Variants in ZNF615 observed in about 807,000 individuals in gnomAD.
ZNF615 encodes the protein zinc finger protein 615.
ZNF615 carries 15 observed loss-of-function variants against 15.3 expected under a neutral mutation model. The observed-to-expected ratio is 0.98, with a 90% confidence interval of 0.66 to 1.51. The LOEUF (loss-of-function observed/expected upper bound fraction) is 1.51. Among genes scored for constraint, ZNF615 ranks in the 40% most tolerant of loss-of-function variants. The pLI, the probability that ZNF615 is intolerant of heterozygous loss-of-function variation, is 0.00. For missense variants in ZNF615, 848 were observed against 895.9 expected (o/e 0.95, Z 0.68); for synonymous variants, 268 against 294.6 (o/e 0.91, Z 0.92).
chr19:52,000,966 A>G (rs960449428), intron 5 of ZNF615, among the ~76,000 whole-genome samples: 1 of 152,086 alleles, frequency 6.6e-6, no homozygotes, highest in African/African-American at 2.4e-5. Context: ...ATTCAGTATA[A>G]GAGGAATAAG....
chr19:51,995,928 A>G (rs979981286), intron 6 of ZNF615, among the ~76,000 whole-genome samples: 47 of 151,316 alleles, frequency 3.1e-4, no homozygotes. Flanking sequence ...GCAAAAAAAT[A>G]AAGAAGGTAA....
At position 52,003,813 on chromosome 19, in the gene ZNF615, A is replaced by G. The variant is rs2086674454; in HGVS notation, c.-102T>C. On this transcript the variant is annotated 5_prime_UTR_variant, in exon 3 of 7. Coordinates refer to ENST00000598071, the MANE Select transcript of ZNF615 (RefSeq NM_001199324.2). Reference sequence around the variant, plus strand: ...GTTCAAAAACTTCAATCTCCAATCAAGGATGTCCCCAGAAATGATGACACC... The same window carrying G: ...GTTCAAAAACTTCAATCTCCAATCAGGGATGTCCCCAGAAATGATGACACC... 1.3e-6 allele frequency: 2 copies of G among 1,577,198 alleles called. No individual in the cohort carries two copies. The highest frequency in any genetic ancestry group is 1.7e-6 in the Non-Finnish European group (2 of 1,164,012).
Position 52,003,687 on chromosome 19 carries a change from C to A in ZNF615, c.15+10G>T. 1.2e-6 allele frequency: 2 copies of A among 1,610,902 alleles called. No individual in the cohort carries two copies. Among genetic ancestry groups the A allele is most frequent in the South Asian group, 1.1e-5 (1 of 90,460 alleles). ...GAATAAAGGAAAGAATAAAACAAAC[C>A]AAAAGTCACCTGGGCCTGCATCATT... On this transcript the variant is annotated intron_variant, in intron 3 of 6. Transcript: ENST00000598071.
chr19:52,008,049 A>G, intron 1 of ZNF615, 92 bp downstream of exon 1: 2 of 1,228,034 alleles, frequency 1.6e-6, no homozygotes, highest in African/African-American at 3.0e-5. Flanking sequence ...GCCGACAGAT[A>G]CCAGTCCATC....
chr19:52,007,951 T>C (rs2086802178), intron 1 of ZNF615, 190 bp downstream of exon 1: 7 of 601,536 alleles, frequency 1.2e-5, no homozygotes, highest in Non-Finnish European at 2.1e-5. Context: ...ACACACCCTA[T>C]CACGGACCTC....
chr19:52,003,281 T>C (rs1361022130), intron 3 of ZNF615, among the ~76,000 whole-genome samples: 1 of 152,228 alleles, frequency 6.6e-6, no homozygotes, highest in African/African-American at 2.4e-5. Flanking sequence ...ACTTTTGCAT[T>C]TATGAGAAGG....
At position 51,992,880 on chromosome 19, in the gene ZNF615, C is replaced by T. The variant is rs773633321; in HGVS notation, c.2229G>A (p.Ter743=). The T allele has an allele frequency of 4.3e-6, 7 of 1,612,544 alleles. No homozygotes were observed. In the Admixed American group the frequency reaches 1.0e-4, roughly 23 times the overall value. The change falls in exon 7 of 7, where the codon TAG becomes TAA. Residue 743 remains the stop codon, a stop_retained_variant. Coordinates refer to ENST00000598071, the MANE Select transcript of ZNF615 (RefSeq NM_001199324.2). ...ILVKHRRIHR[*] is the part of the protein sequence containing the mutation. ...CTGGCAAGAGGCTTTCCCAAAATGA[C>T]TACCTGTGAATTCTCCTGTGTTTAA... is the stretch of plus-strand genomic sequence containing the variant.
rs767067533 is a variant in ZNF615 at position 51,993,413 on chromosome 19, G to T, written c.1696C>A (p.Leu566Ile). Residue 566 changes from leucine to isoleucine, a missense_variant, in exon 7 of 7, where the codon CTC (leucine) becomes ATC (isoleucine). By Grantham distance (5) the Leu-to-Ile change is conservative. Transcript: ENST00000598071. ...CGKGFTEKSH[L>I]NVHRRTHTGE... ...GTATGAGTGCGCCGATGTACATTGA[G>T]ATGACTCTTCTCAGTGAAGCCTTTT... 2 of 1,613,986 alleles carry T rather than the reference G, an allele frequency of 1.2e-6. No homozygotes were observed. Among genetic ancestry groups the T allele is most frequent in the African/African-American group, 2.7e-5 (2 of 74,892 alleles).
chr19:52,000,260 T>A lies in ZNF615; in HGVS notation c.271+86A>T. ...GGAAGGCAAGGGTTGAAGAACCACC[T>A]ATTTGGTACTATGTTCACTACTTGG... On this transcript the variant is annotated intron_variant, in intron 6 of 6. Coordinates refer to ENST00000598071, the MANE Select transcript of ZNF615 (RefSeq NM_001199324.2). 3 of 512,716 alleles carry A rather than the reference T, an allele frequency of 5.9e-6. No individual in the cohort carries two copies. The East Asian group carries it at 9.7e-5, about 17-fold the overall frequency. The allele number at this position is 512,716 out of a possible 1,614,324, so 31.8% of individuals were successfully genotyped here.
intron 4 of ZNF615, 96 bp downstream of exon 4, chr19:52,002,059 G>T: frequency 7.4e-6 from 12 of 1,612,834 alleles, no homozygotes; most frequent in Non-Finnish European, 1.0e-5. Context: ...AGAATGATGT[G>T]AGAATCTACC....
At chr19:51,998,692 T>C (rs1203860137) in intron 6 of ZNF615, among the ~76,000 whole-genome samples, 1 of 152,152 alleles carries the variant, frequency 6.6e-6, no homozygotes, top group Non-Finnish European at 1.5e-5. Flanking sequence ...GGGGGGTTTG[T>C]CATCCAGCCT....
At chr19:52,007,518 G>A (rs1169307958) in intron 1 of ZNF615, among the ~76,000 whole-genome samples, 188 bp from the exon 2 acceptor site, 4 of 152,148 alleles carry the variant, frequency 2.6e-5, no homozygotes, top group Non-Finnish European at 5.9e-5. Flanking sequence ...AACCAGTCGT[G>A]GAGAAGGGTC....
At chr19:51,997,362 A>G (rs17835649) in intron 6 of ZNF615, among the ~76,000 whole-genome samples, 28,098 of 152,146 alleles carry the variant, frequency 0.18, 2,755 homozygotes, top group South Asian at 0.27. Flanking sequence ...TTTGATTTAA[A>G]GTGTCACATG....
At position 51,998,749 on chromosome 19, in the gene ZNF615, G is replaced by A. The variant is rs1315518135; in HGVS notation, c.271+1597C>T. 2.0e-5 allele frequency among the ~76,000 whole-genome samples: 3 copies of A among 152,086 alleles called. 1 individual carries two copies. The highest frequency in any genetic ancestry group is 2.0e-4 in the Admixed American group (3 of 15,252). On this transcript the variant is annotated intron_variant, in intron 6 of 6. Coordinates refer to ENST00000598071, the MANE Select transcript of ZNF615 (RefSeq NM_001199324.2). ...GGCTCATTGCAATGTCTGCCTCCAG[G>A]GTTCAGGCGATTCTCCCACCTCAGC... is the stretch of plus-strand genomic sequence containing the variant.
rs2086779597 is a variant in ZNF615, at chr19:52,007,281, AAC to A, written c.-190+10_-190+11del. Reference sequence around the variant, plus strand: ...AATTTGACAAAGGTTATCTTTGAGTAACCGAGCTTACCATGGCAGAGATGTTA... The same window carrying A: ...AATTTGACAAAGGTTATCTTTGAGTACGAGCTTACCATGGCAGAGATGTTA... On this transcript the variant is annotated intron_variant, in intron 2 of 6. Coordinates refer to ENST00000598071, the MANE Select transcript of ZNF615 (RefSeq NM_001199324.2). 7.8e-7 allele frequency: 1 copy of A among 1,287,394 alleles called. No individual in the cohort carries two copies. Among genetic ancestry groups the A allele is most frequent in the Non-Finnish European group, 1.0e-6 (1 of 986,930 alleles). 79.7% of individuals were successfully genotyped at this position (1,287,394 alleles called of 1,614,324 possible).
At chr19:51,996,160 C>T (rs1461652720) in intron 6 of ZNF615, among the ~76,000 whole-genome samples, 1 of 151,856 alleles carries the variant, frequency 6.6e-6, no homozygotes, top group Non-Finnish European at 1.5e-5. Flanking sequence ...GAGGACAAAG[C>T]GGGTAGATCA....
intron 6 of ZNF615, among the ~76,000 whole-genome samples, chr19:51,999,168 T>C (rs1391272660): frequency 6.6e-6 from 1 of 152,184 alleles, no homozygotes; most frequent in Admixed American, 6.5e-5. Context: ...AAGTACCAAA[T>C]TTATATTCTG....
intron 2 of ZNF615, chr19:52,004,788 A>G (rs370510545): frequency 1.3e-5 from 2 of 152,144 alleles, no homozygotes; most frequent in African/African-American, 4.8e-5. Flanking sequence ...ATTACAGCAA[A>G]TCCTAACGGA....
Position 51,994,598 on chromosome 19 carries a change from T to G in ZNF615, c.511A>C (p.Arg171=), listed in dbSNP as rs745456444. Residue 171 remains arginine, a synonymous_variant, in exon 7 of 7, where the codon AGA becomes CGA. Transcript: ENST00000598071. ...SGLKNSAEFN[R]DGKSLFHANH... is the part of the protein sequence containing the mutation. Reference sequence around the variant, plus strand: ...GCATGAAAAAGGGATTTCCCATCTCTATTAAACTCAGCAGAGTTCTTTAGG... The same window carrying G: ...GCATGAAAAAGGGATTTCCCATCTCGATTAAACTCAGCAGAGTTCTTTAGG... 1 of 1,613,934 alleles carries G rather than the reference T, an allele frequency of 6.2e-7. No homozygotes were observed. The highest frequency in any genetic ancestry group is 1.1e-5 in the South Asian group (1 of 91,072).
Sources: gnomAD v4.1 joint callset for allele counts (sites outside exome capture counted in the v4.1 genomes callset) on GRCh38, gnomAD v4.1.1 for gene constraint, MANE v1.5 for transcripts, NCBI Gene and HGNC (gene_info 2026-07-23, HGNC 2026-07-21) for gene names.